Variants in SMIM22 observed in about 807,000 individuals in gnomAD.
SMIM22 encodes cancer associated small integral membrane open reading frame 1.
In SMIM22, 16 loss-of-function variants were observed where a neutral mutation model predicts 8.4. The observed-to-expected ratio is 1.90, with a 90% CI of 1.29 to 2.89. The LOEUF is 2.89. Ranked by LOEUF, SMIM22 falls within the 30% of genes most tolerant of loss-of-function variation. SMIM22 has a pLI of 0.00. For synonymous variants in SMIM22, 67 were observed against 47.6 expected (o/e 1.41, Z -1.68); for missense variants, 159 against 107.5 (o/e 1.48, Z -2.12).
upstream of SMIM22, among the ~76,000 whole-genome samples, chr16:4,793,926 G>A (rs924725286): frequency 6.6e-6 from 1 of 151,878 alleles, no homozygotes; most frequent in Non-Finnish European, 1.5e-5. Flanking sequence ...ACAGGAGTAT[G>A]CCACCGCACC....
At chr16:4,794,607 A>C (rs112216163), upstream of SMIM22, among the ~76,000 whole-genome samples, 65 of 151,716 alleles carry the variant, frequency 4.3e-4, 2 homozygotes, top group Non-Finnish European at 1.5e-5. Context: ...TTTAGTAGAG[A>C]CATGGTTTCT....
chr16:4,793,794 T>C (rs570605961), upstream of SMIM22, among the ~76,000 whole-genome samples: 1 of 152,356 alleles, frequency 6.6e-6, no homozygotes, highest in East Asian at 1.9e-4. Context: ...AATTTTTTCT[T>C]GAGATGGAGT....
upstream of SMIM22, among the ~76,000 whole-genome samples, chr16:4,791,982 T>C (rs1482838177): frequency 1.3e-5 from 2 of 152,096 alleles, no homozygotes; most frequent in Non-Finnish European, 2.9e-5. Context: ...CCACCGCGCC[T>C]GGCCTGACTT....
chr16:4,793,455 T>C (rs577031848), upstream of SMIM22, among the ~76,000 whole-genome samples: 1 of 152,250 alleles, frequency 6.6e-6, no homozygotes, highest in Admixed American at 6.5e-5. Flanking sequence ...TCCTCATCTG[T>C]AAAATGGAAA....
At chr16:4,788,822 G>A (rs1362996423) in intron 2 of SMIM22, 1 of 152,198 alleles carries the variant, frequency 6.6e-6, no homozygotes, top group African/African-American at 2.4e-5. Flanking sequence ...GTCAGGTGAG[G>A]AGGTGGCAGA....
chr16:4,791,273 C>T (rs571495198), upstream of SMIM22, among the ~76,000 whole-genome samples: 4 of 152,108 alleles, frequency 2.6e-5, no homozygotes, highest in South Asian at 2.1e-4. Context: ...AAGGTGCTCC[C>T]GGTGGTGTTG....
upstream of SMIM22, among the ~76,000 whole-genome samples, chr16:4,794,259 C>T (rs749227611): frequency 7.2e-5 from 11 of 151,808 alleles, no homozygotes; most frequent in South Asian, 4.2e-4. Flanking sequence ...AGGCGCGTGC[C>T]ACCATGGCCG....
Position 4,796,403 on chromosome 16 carries a change from T to TCC in SMIM22, c.*173_*174insCC. On this transcript the variant is annotated 3_prime_UTR_variant, in exon 4 of 4. Transcript: ENST00000586005. ...TCAGCACGACTGTGCCAGGTCATCC[T>TCC]CAGTCACCTAGCTGGGAGGGGAGCT... 1.4e-6 allele frequency: 1 copy of TCC among 733,566 alleles called. No individual in the cohort carries two copies. Among genetic ancestry groups the TCC allele is most frequent in the South Asian group, 1.9e-5 (1 of 54,010 alleles). 45.4% of individuals were successfully genotyped at this position (733,566 alleles called of 1,614,324 possible).
intron 1 of SMIM22, 118 bp from the exon 2 acceptor site, chr16:4,795,597 G>T: frequency 8.0e-7 from 1 of 1,254,116 alleles, no homozygotes; most frequent in South Asian, 1.5e-5. Flanking sequence ...AGTGGGAGGG[G>T]GTGGGGAAGC....
upstream of SMIM22, among the ~76,000 whole-genome samples, chr16:4,793,872 G>A (rs951130984): frequency 5.3e-5 from 8 of 152,140 alleles, no homozygotes; most frequent in Non-Finnish European, 1.5e-5. Context: ...TGCCTCCTGG[G>A]TTCAAGCGAT....
intron 1 of SMIM22, 46 bp from the exon 2 acceptor site, chr16:4,795,669 G>C: frequency 6.6e-7 from 1 of 1,521,740 alleles, no homozygotes; most frequent in Admixed American, 2.0e-5. Context: ...GGTCCCCGCT[G>C]AGCTGAGCCC....
upstream of SMIM22, among the ~76,000 whole-genome samples, chr16:4,792,741 G>A (rs1375232757): frequency 6.7e-6 from 1 of 149,900 alleles, no homozygotes; most frequent in Non-Finnish European, 1.5e-5. Flanking sequence ...AGCGGAGGTT[G>A]CAGTGAGCCG....
upstream of SMIM22, among the ~76,000 whole-genome samples, chr16:4,793,411 C>T (rs991022790): frequency 3.9e-5 from 6 of 152,142 alleles, no homozygotes; most frequent in Non-Finnish European, 5.9e-5. Flanking sequence ...AGGTGTGTGA[C>T]GGGCTAATGG....
chr16:4,792,059 A>T (rs1380469611), upstream of SMIM22, among the ~76,000 whole-genome samples: 1 of 152,044 alleles, frequency 6.6e-6, no homozygotes, highest in Non-Finnish European at 1.5e-5. Flanking sequence ...CATAATAGTA[A>T]CAACAAACAT....
rs529723309 is a variant in SMIM22 at position 4,796,015 on chromosome 16, C to G, written c.192C>G (p.Arg64=). ...GCTGCTGCAGCTCCCCCGGGCCCCG[C>G]AGGGAAAGCCCCAGGAAGGTGAGCC... ...HCCCCSSPGP[R]RESPRKVSPW... The change falls in exon 3 of 4, where the codon CGC becomes CGG. Residue 64 remains arginine, a synonymous_variant. Coordinates refer to ENST00000586005, the MANE Select transcript of SMIM22 (RefSeq NM_001253794.2). 3.3e-6 allele frequency: 5 copies of G among 1,517,132 alleles called. No individual in the cohort carries two copies. The highest frequency in any genetic ancestry group is 1.2e-5 in the South Asian group (1 of 81,270). 94.0% of individuals were successfully genotyped at this position (1,517,132 alleles called of 1,614,324 possible).
Position 4,796,038 on chromosome 16 carries a change from G to A in SMIM22, c.215G>A (p.Ser72Asn), listed in dbSNP as rs1280691222. The change falls in exon 3 of 4, where the codon AGC (serine) becomes AAC (asparagine). Residue 72 changes from serine to asparagine, a missense_variant. Coordinates refer to ENST00000586005, the MANE Select transcript of SMIM22 (RefSeq NM_001253794.2). ...CGCAGGGAAAGCCCCAGGAAGGTGA[G>A]CCCCTGGAAGGTGAGCCCTGCCGGC... ...GPRRESPRKV[S>N]PWKERPKGVD... 57 of 1,528,832 alleles carry A rather than the reference G, an allele frequency of 3.7e-5. No individual in the cohort carries two copies. The highest frequency in any genetic ancestry group is 4.9e-5 in the Non-Finnish European group (56 of 1,142,382). 94.7% of individuals were successfully genotyped at this position (1,528,832 alleles called of 1,614,324 possible). A position where few individuals can be genotyped will look rare whatever the true frequency, so the allele number is the denominator to read the frequency against.
At position 4,795,453 on chromosome 16, in the gene SMIM22, G is replaced by C. The variant is rs2082619640; in HGVS notation, c.-21+4G>C. Reference sequence around the variant, plus strand: ...GGGAATTGGAGGCTTCTAGGAGGTAGGTGGGGGCCTGGGGGCTGGGCTGCC... The same window carrying C: ...GGGAATTGGAGGCTTCTAGGAGGTACGTGGGGGCCTGGGGGCTGGGCTGCC... On this transcript the variant is annotated splice_donor_region_variant and intron_variant, in intron 1 of 3. Coordinates refer to ENST00000586005, the MANE Select transcript of SMIM22 (RefSeq NM_001253794.2). 1 of 472,234 alleles carries C rather than the reference G, an allele frequency of 2.1e-6. No individual in the cohort carries two copies. Among genetic ancestry groups the C allele is most frequent in the South Asian group, 2.3e-5 (1 of 42,780 alleles). 29.3% of individuals were successfully genotyped at this position (472,234 alleles called of 1,614,324 possible).
At position 4,795,938 on chromosome 16, in the gene SMIM22, C is replaced by T. The variant is rs1211685692; in HGVS notation, c.125-10C>T. 18 of 1,517,420 alleles carry T rather than the reference C, an allele frequency of 1.2e-5. No homozygotes were observed. Among genetic ancestry groups the T allele is most frequent in the Non-Finnish European group, 1.4e-5 (16 of 1,137,556 alleles). 94.0% of individuals were successfully genotyped at this position (1,517,420 alleles called of 1,614,324 possible). A position where few individuals can be genotyped will look rare whatever the true frequency, so the allele number is the denominator to read the frequency against. On this transcript the variant is annotated splice_polypyrimidine_tract_variant and intron_variant, in intron 2 of 3. Transcript: ENST00000586005. ...TTGGGGCCACACCTGGACGCCTGTC[C>T]TGTCCCCAGGCACCGTGCTGCTCCT...
chr16:4,794,589 T>A (rs2082603307), upstream of SMIM22, among the ~76,000 whole-genome samples: 1 of 152,048 alleles, frequency 6.6e-6, no homozygotes, highest in African/African-American at 2.4e-5. Flanking sequence ...CCTGGCTAAT[T>A]TTGTATTTTT....
Sources: gnomAD v4.1 joint callset for allele counts (sites outside exome capture counted in the v4.1 genomes callset) on GRCh38, gnomAD v4.1.1 for gene constraint, MANE v1.5 for transcripts, NCBI Gene and HGNC (gene_info 2026-07-23, HGNC 2026-07-21) for gene names.